Variants in RASGRP1 observed in about 807,000 individuals in gnomAD.
RASGRP1 encodes the protein RAS guanyl-releasing protein 1.
RASGRP1 carries 37 observed loss-of-function variants against 95.1 expected under a neutral mutation model. That is an observed-to-expected ratio of 0.39 (90% CI 0.30 to 0.51). The LOEUF (loss-of-function observed/expected upper bound fraction) is 0.51, where lower values mean the gene tolerates loss of function less well. Ranked by LOEUF, RASGRP1 falls within the 20% of genes least tolerant of loss-of-function variation. The probability of loss-of-function intolerance (pLI) is 0.80; values close to 1 mark genes in which losing one functional copy is unlikely to be tolerated. For missense variants in RASGRP1, 711 were observed against 965.4 expected (o/e 0.74, Z 3.49); for synonymous variants, 325 against 353.4 (o/e 0.92, Z 0.90).
chr15:38,503,398 A>G lies in RASGRP1; in HGVS notation c.1324-22T>C, dbSNP rs376550708. On this transcript the variant is annotated intron_variant, in intron 10 of 16. Transcript: ENST00000310803. ...GTGGCTAAAATGAAATATTTAGAGAAATCCTCATGACTACAATGCAATATT... is the reference window on the plus strand; with the variant it reads ...GTGGCTAAAATGAAATATTTAGAGAGATCCTCATGACTACAATGCAATATT... The G allele has an allele frequency of 5.3e-6, 8 of 1,505,242 alleles. No homozygotes were observed. The African/African-American group carries it at 1.1e-4, about 21-fold the overall frequency. 93.2% of individuals were successfully genotyped at this position (1,505,242 alleles called of 1,614,324 possible). A position where few individuals can be genotyped will look rare whatever the true frequency, so the allele number is the denominator to read the frequency against.
chr15:38,533,629 G>A (rs754337450), intron 2 of RASGRP1, among the ~76,000 whole-genome samples: 23 of 152,142 alleles, frequency 1.5e-4, no homozygotes, highest in Non-Finnish European at 3.1e-4. Context: ...TCTATGACCT[G>A]AGCCACTTCA....
At chr15:38,548,880 TG>T (rs1893213498) in intron 2 of RASGRP1, among the ~76,000 whole-genome samples, 1 of 152,224 alleles carries the variant, frequency 6.6e-6, no homozygotes, top group African/African-American at 2.4e-5. Flanking sequence ...AGGTAGACAC[TG>T]GTAGTTACTG....
At chr15:38,550,339 C>T (rs1483797699) in intron 2 of RASGRP1, among the ~76,000 whole-genome samples, 1 of 151,722 alleles carries the variant, frequency 6.6e-6, no homozygotes, top group African/African-American at 2.4e-5. Flanking sequence ...TCAGCAAACC[C>T]CATCTCACTT....
chr15:38,499,246 C>G, intron 14 of RASGRP1: 1 of 493,500 alleles, frequency 2.0e-6, no homozygotes, highest in Non-Finnish European at 3.8e-6. Context: ...GGGAGACCCT[C>G]CGGAAACACT....
At chr15:38,529,773 G>A (rs1296323063) in intron 2 of RASGRP1, among the ~76,000 whole-genome samples, 3 of 152,152 alleles carry the variant, frequency 2.0e-5, no homozygotes, top group East Asian at 1.9e-4. Flanking sequence ...TAGGAAACAC[G>A]TTAACTTTTC....
At chr15:38,522,401 T>G (rs183655103) in intron 3 of RASGRP1, among the ~76,000 whole-genome samples, 6 of 152,298 alleles carry the variant, frequency 3.9e-5, no homozygotes, top group African/African-American at 1.4e-4. Flanking sequence ...CAAAACGGAC[T>G]GAAGTTTAGG....
intron 2 of RASGRP1, among the ~76,000 whole-genome samples, chr15:38,532,664 G>A (rs1300967072): frequency 6.6e-6 from 1 of 152,156 alleles, no homozygotes; most frequent in East Asian, 1.9e-4. Context: ...CCCCTCCAAT[G>A]ACAGGATATG....
intron 1 of RASGRP1, among the ~76,000 whole-genome samples, chr15:38,562,929 A>G (rs749721844): frequency 1.4e-4 from 22 of 152,302 alleles, no homozygotes; most frequent in Non-Finnish European, 2.8e-4. Context: ...ATCAGGGTAA[A>G]GTATAGGGTA....
At chr15:38,533,955 T>A (rs1892539998) in intron 2 of RASGRP1, among the ~76,000 whole-genome samples, 1 of 152,226 alleles carries the variant, frequency 6.6e-6, no homozygotes, top group South Asian at 2.1e-4. Context: ...ATGCTTGCAG[T>A]CAGCTCTCAG....
intron 15 of RASGRP1, among the ~76,000 whole-genome samples, chr15:38,498,187 G>C (rs986593544): frequency 1.3e-5 from 2 of 152,116 alleles, no homozygotes; most frequent in Admixed American, 1.3e-4. Flanking sequence ...CAGTAAGTCT[G>C]GTTCTGGTCA....
intron 1 of RASGRP1, among the ~76,000 whole-genome samples, chr15:38,564,030 T>C (rs114987698): frequency 5.1e-4 from 78 of 152,242 alleles, no homozygotes; most frequent in African/African-American, 1.8e-3. Flanking sequence ...TATAGAATCA[T>C]AGTGAGGGGG....
chr15:38,526,491 G>A (rs4924272), intron 2 of RASGRP1, 87 bp from the exon 3 acceptor site: 1 of 938,028 alleles, frequency 1.1e-6, no homozygotes, highest in South Asian at 1.4e-5. Flanking sequence ...TGTGACTCAG[G>A]TGCAATCCTT....
intron 4 of RASGRP1, 60 bp from the exon 5 acceptor site, chr15:38,518,483 T>C (rs1595850918): frequency 1.3e-6 from 2 of 1,546,926 alleles, no homozygotes; most frequent in East Asian, 2.4e-5. Context: ...CACAATTTGT[T>C]GGGTTCCAAA....
chr15:38,560,181 T>C, intron 1 of RASGRP1, 176 bp from the exon 2 acceptor site: 1 of 633,866 alleles, frequency 1.6e-6, no homozygotes, highest in Non-Finnish European at 2.8e-6. Flanking sequence ...TAAAGAGACA[T>C]CTCCCCAGCA....
chr15:38,557,632 T>TATATAC (rs1893623975), intron 2 of RASGRP1, among the ~76,000 whole-genome samples: 1 of 148,030 alleles, frequency 6.8e-6, no homozygotes, highest in African/African-American at 2.6e-5. Context: ...TGTGTGTGTA[T>TATATAC]ATATATATAT....
chr15:38,507,694 G>A (rs1451725175), intron 9 of RASGRP1, 32 bp downstream of exon 9: 2 of 1,546,208 alleles, frequency 1.3e-6, no homozygotes, highest in Middle Eastern at 1.7e-4. Context: ...CACAGAAAGT[G>A]CTTAGTAATT....
chr15:38,501,245 C>T lies in RASGRP1; in HGVS notation c.1581G>A (p.Met527Ile), dbSNP rs748926334. The stretch of plus-strand genomic sequence containing the variant: ...GCTTGGAATAGATTGAGCTGGCTCT[C>T]ATGAAGTAGGCTGTGATCTCATCCC... ...ISRDEITAYF[M>I]RASSIYSKLG... The change falls in exon 13 of 17, where the codon ATG becomes ATA. Residue 527 changes from methionine (M) to isoleucine (I), a missense_variant. Transcript: ENST00000310803. 1.9e-6 allele frequency: 3 copies of T among 1,613,060 alleles called. No homozygotes were observed. Among genetic ancestry groups the T allele is most frequent in the South Asian group, 1.1e-5 (1 of 90,958 alleles).
At chr15:38,526,529 C>T in intron 2 of RASGRP1, 125 bp from the exon 3 acceptor site, 1 of 635,116 alleles carries the variant, frequency 1.6e-6, no homozygotes, top group Non-Finnish European at 2.8e-6. Flanking sequence ...TTCCACTGCC[C>T]CTAGCACAGC....
intron 14 of RASGRP1, 120 bp downstream of exon 14, chr15:38,499,983 T>G (rs1162196402): frequency 1.0e-6 from 1 of 964,840 alleles, no homozygotes; most frequent in Non-Finnish European, 1.6e-6. Context: ...ACCAGCCCTG[T>G]GGAACTGTGA....
Sources: allele counts gnomAD v4.1 joint callset (sites outside exome capture counted in the v4.1 genomes callset), GRCh38; gene constraint gnomAD v4.1.1; transcripts MANE v1.5; gene names NCBI Gene and HGNC (gene_info 2026-07-23, HGNC 2026-07-21).